NAB1: variants seen among roughly 807,000 people sequenced by gnomAD.
NAB1 encodes the protein NGFI-A binding protein 1, also known as NGFI-A-binding protein 1.
Under a neutral mutation model 49.9 loss-of-function variants are expected in NAB1, and 25 were observed. That is an observed-to-expected ratio of 0.50 (90% CI 0.37 to 0.70). The LOEUF (loss-of-function observed/expected upper bound fraction) is 0.70. Ranked by LOEUF, NAB1 falls within the 30% of genes least tolerant of loss-of-function variation. The pLI, the probability that NAB1 is intolerant of heterozygous loss-of-function variation, is 0.00. For missense variants in NAB1, 489 were observed against 575.9 expected, an observed-to-expected ratio of 0.85 and a Z score of 1.54; for synonymous variants, 198 against 215.6, an observed-to-expected ratio of 0.92 and a Z score of 0.71.
At chr2:190,681,042 G>A (rs1695314581) in intron 6 of NAB1, among the ~76,000 whole-genome samples, 1 of 152,134 alleles carries the variant, frequency 6.6e-6, no homozygotes, top group African/African-American at 2.4e-5. Context: ...GTTGGGTTTT[G>A]AACTCTGCAA....
In NAB1 at chr2:190,684,506, T is replaced by TGA. The variant is rs1169548345; in HGVS notation, c.1095+679_1095+680insGA. 6.6e-6 allele frequency among the ~76,000 whole-genome samples: 1 copy of TGA among 152,216 alleles called. No homozygotes were observed. The highest frequency in any genetic ancestry group is 1.9e-4 in the East Asian group (1 of 5,204). On this transcript the variant is annotated intron_variant, in intron 7 of 9. Coordinates refer to ENST00000337386, the MANE Select transcript of NAB1 (RefSeq NM_005966.4). This position sits in a 1 kb window ranked among gnomAD's most constrained non-coding sequence, Gnocchi z 4.6. ...ATATGCTTATTTAAATTTTGTCAAT[T>TGA]TAGTAACAAGTTCAAATGAAATGAA...
rs568429645 is a variant in NAB1, at chr2:190,677,473, A to T, written c.1005+4321A>T. 6.6e-6 allele frequency: 1 copy of T among 152,224 alleles called. No homozygotes were observed. The allele number at this position is 152,224 out of a possible 1,614,324, so 9.4% of individuals were successfully genotyped here. A position where few individuals can be genotyped will look rare whatever the true frequency, so the allele number is the denominator to read the frequency against. On this transcript the variant is annotated intron_variant, in intron 6 of 9. Transcript: ENST00000337386. The surrounding 1 kb of genome is among the most constrained non-coding windows in gnomAD (Gnocchi z 5.6). ...GGAATCCTTCTGCTTAGACGGAATG[A>T]ATAACATGTCCACTGGAACACAGCC...
In NAB1 at chr2:190,657,039, G is replaced by A. The variant is rs1404188639; in HGVS notation, c.-20+886G>A. On this transcript the variant is annotated intron_variant, in intron 3 of 9. Coordinates refer to ENST00000337386, the MANE Select transcript of NAB1 (RefSeq NM_005966.4). This position sits in a 1 kb window ranked among gnomAD's most constrained non-coding sequence, Gnocchi z 4.4. The stretch of plus-strand genomic sequence containing the variant: ...GTGTATGTATATACACATTACACAT[G>A]TACTTTTTTTTTCTGTATTGCGTTG... Among the ~76,000 whole-genome samples, 1 of 152,094 alleles carries A rather than the reference G, an allele frequency of 6.6e-6. No homozygotes were observed. The highest frequency in any genetic ancestry group is 1.5e-5 in the Non-Finnish European group (1 of 68,020).
At position 190,659,577 on chromosome 2, in the gene NAB1, C is replaced by T. The variant is rs556440589; in HGVS notation, c.401C>T (p.Thr134Ile). 5.6e-5 allele frequency: 91 copies of T among 1,614,244 alleles called. No individual in the cohort carries two copies. The highest frequency in any genetic ancestry group is 7.5e-5 in the Non-Finnish European group (88 of 1,180,052). ...AAAATCCCCAAATGTGCTGCCACCA[C>T]CTGTGTGCAGAGCTTGGGACAGGGG... ...HLKIPKCAAT[T>I]CVQSLGQGKS... The change falls in exon 4 of 10, where the codon ACC becomes ATC. Residue 134 changes from threonine (T) to isoleucine (I), a missense_variant. Physicochemically the swap from Thr to Ile is moderately conservative, Grantham distance 89 (BLOSUM62 -1). Around this residue, in one of 4 missense-constraint regions of NAB1, gnomAD observed 204 missense variants for 220.9 expected, o/e 0.92. Coordinates refer to ENST00000337386, the MANE Select transcript of NAB1 (RefSeq NM_005966.4). The surrounding 1 kb of genome is among the most constrained non-coding windows in gnomAD (Gnocchi z 6.2).
intron 6 of NAB1, among the ~76,000 whole-genome samples, chr2:190,683,297 A>ATTT (rs767640681): frequency 0.2 from 15,464 of 76,110 alleles, 3,010 homozygotes; most frequent in East Asian, 0.25. Context: ...CTCCCAGCTA[A>ATTT]TTTTTTTTTT....
At chr2:190,662,508 G>C (rs1352508396) in intron 4 of NAB1, among the ~76,000 whole-genome samples, 1 of 151,970 alleles carries the variant, frequency 6.6e-6, no homozygotes, top group Non-Finnish European at 1.5e-5. Context: ...CACACACCTT[G>C]CTGGTGTTCG....
rs1226816812 is a variant in NAB1, at chr2:190,679,257, G to A, written c.1006-4481G>A. ...CTTTTATTTCTAAGTCATATATTTT[G>A]GGGACCTTAAATCTACTTTATGTGA... On this transcript the variant is annotated intron_variant, in intron 6 of 9. Transcript: ENST00000337386. The surrounding 1 kb of genome is among the most constrained non-coding windows in gnomAD (Gnocchi z 5.3). Among the ~76,000 whole-genome samples the A allele has an allele frequency of 6.6e-6, 1 of 152,148 alleles. No homozygotes were observed.
rs1218930999 is a variant in NAB1, at chr2:190,682,195, G to C, written c.1006-1543G>C. On this transcript the variant is annotated intron_variant, in intron 6 of 9. Transcript: ENST00000337386. This position sits in a 1 kb window ranked among gnomAD's most constrained non-coding sequence, Gnocchi z 4.1. The stretch of plus-strand genomic sequence containing the variant: ...CCCCAGATAGGCCCTATTTATTATG[G>C]GAATTTAGTATGTATTGATATACTT... Among the ~76,000 whole-genome samples the C allele has an allele frequency of 1.3e-5, 2 of 152,102 alleles. No individual in the cohort carries two copies. The highest frequency in any genetic ancestry group is 6.5e-5 in the Admixed American group (1 of 15,270).
At chr2:190,688,226 G>A (rs1489355090) in intron 9 of NAB1, among the ~76,000 whole-genome samples, 1 of 152,134 alleles carries the variant, frequency 6.6e-6, no homozygotes, top group Non-Finnish European at 1.5e-5. Flanking sequence ...GTAAGTCAGC[G>A]GGAAATGTAG....
At chr2:190,660,047 C>T (rs758729395) in intron 4 of NAB1, 52 bp downstream of exon 4, 18 of 1,500,488 alleles carry the variant, frequency 1.2e-5, no homozygotes, top group Admixed American at 5.7e-5. Context: ...TGTTGCTAGT[C>T]GTTAGAGATA....
intron 3 of NAB1, among the ~76,000 whole-genome samples, chr2:190,658,319 G>A (rs780948488): frequency 4.6e-5 from 7 of 152,082 alleles, no homozygotes; most frequent in Non-Finnish European, 7.4e-5. Context: ...TGCCATGTGC[G>A]AGTGCCATGT....
intron 3 of NAB1, among the ~76,000 whole-genome samples, chr2:190,656,684 A>C (rs747345461): frequency 6.6e-6 from 1 of 152,204 alleles, no homozygotes; most frequent in Non-Finnish European, 1.5e-5. Context: ...AGAAAGGATA[A>C]AACTTGAAAA....
rs1695237961 is a variant in NAB1 at position 190,679,718 on chromosome 2, A to T, written c.1006-4020A>T. ...GAGGTTTACTTTTTTGCCTGAGATC[A>T]CACAGCTGGTTCCTAATGTGAAATG... On this transcript the variant is annotated intron_variant, in intron 6 of 9. Coordinates refer to ENST00000337386, the MANE Select transcript of NAB1 (RefSeq NM_005966.4). This position sits in a 1 kb window ranked among gnomAD's most constrained non-coding sequence, Gnocchi z 5.3. Among the ~76,000 whole-genome samples the T allele has an allele frequency of 6.6e-6, 1 of 152,208 alleles. No individual in the cohort carries two copies.
chr2:190,681,331 C>T (rs1417409472), intron 6 of NAB1, among the ~76,000 whole-genome samples: 1 of 152,216 alleles, frequency 6.6e-6, no homozygotes, highest in Non-Finnish European at 1.5e-5. Flanking sequence ...GTTGTTCTAA[C>T]TCTTCTACTA....
chr2:190,679,817 T>C lies in NAB1; in HGVS notation c.1006-3921T>C, dbSNP rs1046984903. ...GCATTGGGGCTCATGGGGATTCTGA[T>C]TGGTGCACTCCACTCAGATTCTGCT... On this transcript the variant is annotated intron_variant, in intron 6 of 9. Transcript: ENST00000337386. This position sits in a 1 kb window ranked among gnomAD's most constrained non-coding sequence, Gnocchi z 5.3. Among the ~76,000 whole-genome samples the C allele has an allele frequency of 1.3e-5, 2 of 152,286 alleles. No homozygotes were observed. Among genetic ancestry groups the C allele is most frequent in the East Asian group, 1.9e-4 (1 of 5,188 alleles).
chr2:190,671,357 T>G (rs1694794720), intron 5 of NAB1, among the ~76,000 whole-genome samples: 1 of 152,212 alleles, frequency 6.6e-6, no homozygotes, highest in Non-Finnish European at 1.5e-5. Context: ...TACCATTATT[T>G]TTCCTAATTC....
rs1262249815 is a variant in NAB1 at position 190,680,455 on chromosome 2, T to G, written c.1006-3283T>G. ...AGCCTAGACACCCTGGCCTCTGGGA[T>G]GCCTGCTCTGCCACAGCGCCCTCTG... is the stretch of plus-strand genomic sequence containing the variant. On this transcript the variant is annotated intron_variant, in intron 6 of 9. Coordinates refer to ENST00000337386, the MANE Select transcript of NAB1 (RefSeq NM_005966.4). The surrounding 1 kb of genome is among the most constrained non-coding windows in gnomAD (Gnocchi z 5.2). Among the ~76,000 whole-genome samples the G allele has an allele frequency of 6.6e-6, 1 of 152,220 alleles. No homozygotes were observed. Among genetic ancestry groups the G allele is most frequent in the Non-Finnish European group, 1.5e-5 (1 of 68,040 alleles).
Position 190,659,668 on chromosome 2 carries a change from C to T in NAB1, c.492C>T (p.His164=), listed in dbSNP as rs2270232. The T allele has an allele frequency of 2.9e-3, 4,632 of 1,613,850 alleles. 97 individuals are homozygous for T. The East Asian group carries it at 0.049, about 17-fold the overall frequency. The change falls in exon 4 of 10, where the codon CAC becomes CAT. Residue 164 remains histidine, a synonymous_variant. Coordinates refer to ENST00000337386, the MANE Select transcript of NAB1 (RefSeq NM_005966.4). This position sits in a 1 kb window ranked among gnomAD's most constrained non-coding sequence, Gnocchi z 6.2. ...SVGESRLWQG[H]HATESEHSLS... ...GTGAGTCCAGACTCTGGCAAGGCCA[C>T]CATGCCACTGAGAGCGAGCACAGCC...
rs561900652 is a variant in NAB1 at position 190,682,854 on chromosome 2, T to C, written c.1006-884T>C. 6.6e-6 allele frequency among the ~76,000 whole-genome samples: 1 copy of C among 152,312 alleles called. No homozygotes were observed. The highest frequency in any genetic ancestry group is 1.5e-5 in the Non-Finnish European group (1 of 68,026). On this transcript the variant is annotated intron_variant, in intron 6 of 9. Coordinates refer to ENST00000337386, the MANE Select transcript of NAB1 (RefSeq NM_005966.4). This position sits in a 1 kb window ranked among gnomAD's most constrained non-coding sequence, Gnocchi z 4.1. ...ATGTATTGCTTGTGGTATGATAAAC[T>C]AGTAAAGGCCCTCTATAGGTTTAGC...
Sources: gnomAD v4.1 joint callset for allele counts (sites outside exome capture counted in the v4.1 genomes callset) on GRCh38, gnomAD v4.1.1 for gene constraint, gnomAD v4.1.1 regional missense constraint, Gnocchi (gnomAD v3.1) non-coding constraint, MANE v1.5 for transcripts, NCBI Gene and HGNC (gene_info 2026-07-23, HGNC 2026-07-21) for gene names.